OTOG: variants seen among roughly 807,000 people sequenced by gnomAD.
OTOG encodes otogelin.
OTOG carries 296 observed loss-of-function variants against 313.8 expected under a neutral mutation model. That is an observed-to-expected ratio of 0.94 (90% confidence interval 0.86 to 1.04). The LOEUF (loss-of-function observed/expected upper bound fraction) is 1.04, where lower values mean the gene tolerates loss of function less well. Ranked by LOEUF, OTOG falls within the 50% of genes least tolerant of loss-of-function variation. The pLI is 0.00. For synonymous variants in OTOG, 1,533 were observed against 1,554.9 expected, an observed-to-expected ratio of 0.99 and a Z score of 0.33; for missense variants, 3,948 against 3,840.1, an observed-to-expected ratio of 1.03 and a Z score of -0.74.
At chr11:17,633,145 T>A (rs1017600182) in intron 42 of OTOG, among the ~76,000 whole-genome samples, 1 of 152,150 alleles carries the variant, frequency 6.6e-6, no homozygotes, top group Non-Finnish European at 1.5e-5. Context: ...CTGGGGTGGG[T>A]TCCCCACAAT....
chr11:17,625,611 C>G (rs1853965959), intron 39 of OTOG, among the ~76,000 whole-genome samples: 1 of 152,060 alleles, frequency 6.6e-6, no homozygotes, highest in African/African-American at 2.4e-5. Context: ...TGAGAAATGT[C>G]TATTTCAAAT....
intron 23 of OTOG, 143 bp downstream of exon 23, chr11:17,578,669 C>A: frequency 9.1e-7 from 1 of 1,103,302 alleles, no homozygotes; most frequent in Non-Finnish European, 1.2e-6. Flanking sequence ...CTGTAATGGC[C>A]AGAGAGGAGT....
chr11:17,611,581 T>C (rs1039750110), intron 36 of OTOG, among the ~76,000 whole-genome samples, 158 bp downstream of exon 36: 4 of 152,260 alleles, frequency 2.6e-5, no homozygotes, highest in Admixed American at 2.6e-4. Context: ...CCTGATGCCA[T>C]AGCAGGGTTC....
rs1299948580 is a variant in OTOG, at chr11:17,634,170, G to A, written c.7369G>A (p.Val2457Ile). 11 of 1,550,118 alleles carry A rather than the reference G, an allele frequency of 7.1e-6. No homozygotes were observed. The highest frequency in any genetic ancestry group is 9.6e-6 in the Non-Finnish European group (11 of 1,146,958). ...QHQCQAPDTIVPVDLGCPSPR... is the reference protein window; with the variant it reads ...QHQCQAPDTIIPVDLGCPSPR... ...CCAGTGCCAAGCCCCAGACACCATT[G>A]TCCCGGTGGATCTGGGCTGCCCCAG... The change falls in exon 44 of 56, where the codon GTC (valine) becomes ATC (isoleucine). Residue 2457 changes from valine to isoleucine, a missense_variant. Coordinates refer to ENST00000399397, the MANE Select transcript of OTOG (RefSeq NM_001292063.2).
intron 44 of OTOG, 113 bp from the exon 45 acceptor site, chr11:17,634,731 G>C: frequency 1.2e-6 from 1 of 832,242 alleles, no homozygotes; most frequent in South Asian, 1.7e-5. Flanking sequence ...GGGGGCTGGG[G>C]GGAGGAGTGG....
intron 31 of OTOG, 146 bp from the exon 32 acceptor site, chr11:17,602,064 C>T: frequency 2.2e-6 from 2 of 912,446 alleles, no homozygotes; most frequent in East Asian, 2.7e-5. Context: ...CATCAAGGTC[C>T]CTGAGATCTG....
At chr11:17,596,510 G>A (rs1303859105) in intron 29 of OTOG, among the ~76,000 whole-genome samples, 1 of 152,226 alleles carries the variant, frequency 6.6e-6, no homozygotes, top group African/African-American at 2.4e-5. Context: ...GCTCAGCACT[G>A]CATGGCACCC....
chr11:17,612,989 C>T (rs1389174969), intron 38 of OTOG, among the ~76,000 whole-genome samples: 1 of 152,186 alleles, frequency 6.6e-6, no homozygotes, highest in Non-Finnish European at 1.5e-5. Context: ...CAGCCTGTCC[C>T]ATTCCCAGCT....
intron 40 of OTOG, among the ~76,000 whole-genome samples, 200 bp from the exon 41 acceptor site, chr11:17,631,502 A>G (rs572791310): frequency 1.3e-4 from 20 of 152,254 alleles, no homozygotes; most frequent in African/African-American, 4.8e-4. Flanking sequence ...CCCTAAATAC[A>G]TGTGTATTTC....
chr11:17,551,133 C>A (rs946082001), intron 3 of OTOG, among the ~76,000 whole-genome samples: 3 of 152,222 alleles, frequency 2.0e-5, no homozygotes, highest in Non-Finnish European at 4.4e-5. Flanking sequence ...CTGCATCCAG[C>A]ACAATGCTTG....
intron 24 of OTOG, among the ~76,000 whole-genome samples, chr11:17,589,402 G>C (rs748118715): frequency 5.3e-5 from 8 of 152,064 alleles, no homozygotes; most frequent in Non-Finnish European, 1.2e-4. Flanking sequence ...CATGAGAAGA[G>C]AACTTTCCAG....
intron 34 of OTOG, among the ~76,000 whole-genome samples, 164 bp downstream of exon 34, chr11:17,608,577 ACTAT>A (rs765658421): frequency 1.1e-4 from 16 of 152,278 alleles, no homozygotes; most frequent in Admixed American, 2.6e-4. Context: ...AGCATATGTG[ACTAT>A]CTATTTGTGC....
At chr11:17,638,409 G>T in intron 47 of OTOG, 42 bp from the exon 48 acceptor site, 1 of 1,471,144 alleles carries the variant, frequency 6.8e-7, no homozygotes. Flanking sequence ...ACATCCCCAG[G>T]TGCCTGTGAC....
chr11:17,642,602 A>C (rs1476485336), intron 53 of OTOG, among the ~76,000 whole-genome samples: 1 of 152,034 alleles, frequency 6.6e-6, no homozygotes, highest in African/African-American at 2.4e-5. Flanking sequence ...ATCACACCTC[A>C]AGGCACTCAC....
Position 17,609,667 on chromosome 11 carries a change from C to A in OTOG, c.4367C>A (p.Ala1456Glu). The A allele has an allele frequency of 6.7e-7, 1 of 1,490,692 alleles. No individual in the cohort carries two copies. The highest frequency in any genetic ancestry group is 9.0e-7 in the Non-Finnish European group (1 of 1,115,734). 92.3% of individuals were successfully genotyped at this position (1,490,692 alleles called of 1,614,324 possible). Reference sequence around the variant, plus strand: ...TTTGTCTCCGCAGGTGTGGAGCCAGCAGTTTGGGTTCCCACAGAGGCCCTT... The same window carrying A: ...TTTGTCTCCGCAGGTGTGGAGCCAGAAGTTTGGGTTCCCACAGAGGCCCTT... Reference protein sequence around the residue: ...CVYLEDCVEPAVWVPTEALGN... With the variant: ...CVYLEDCVEPEVWVPTEALGN... Residue 1456 changes from alanine to glutamate, a missense_variant, in exon 36 of 56, where the codon GCA (alanine) becomes GAA (glutamate). Coordinates refer to ENST00000399397, the MANE Select transcript of OTOG (RefSeq NM_001292063.2).
At chr11:17,643,788 C>T (rs955254067) in intron 54 of OTOG, among the ~76,000 whole-genome samples, 11 of 152,202 alleles carry the variant, frequency 7.2e-5, no homozygotes, top group Non-Finnish European at 2.9e-5. Flanking sequence ...GTCAGTAGCT[C>T]ACCAGTTACT....
chr11:17,639,872 A>T (rs115711199), intron 49 of OTOG, among the ~76,000 whole-genome samples: 1 of 118,436 alleles, frequency 8.4e-6, no homozygotes, highest in Non-Finnish European at 1.7e-5. Flanking sequence ...TGCAATGGTG[A>T]TGGTGGTGGT....
At position 17,596,974 on chromosome 11, in the gene OTOG, G is replaced by A. The variant is rs999140107; in HGVS notation, c.3649G>A (p.Val1217Met). 5.5e-5 allele frequency: 86 copies of A among 1,550,438 alleles called. No homozygotes were observed. Among genetic ancestry groups the A allele is most frequent in the Non-Finnish European group, 7.2e-5 (83 of 1,147,012 alleles). Residue 1217 changes from valine to methionine, a missense_variant, in exon 30 of 56, where the codon GTG becomes ATG. Transcript: ENST00000399397. ...TGCCCACCAGTGTTGCCAGCATGGG[G>A]TGGCTGTTGACTGGCGAACCCCCCG... is the stretch of plus-strand genomic sequence containing the variant. ...AYAHQCCQHG[V>M]AVDWRTPRLC...
At chr11:17,560,233 A>G (rs1304524834) in intron 12 of OTOG, among the ~76,000 whole-genome samples, 1 of 152,224 alleles carries the variant, frequency 6.6e-6, no homozygotes, top group Non-Finnish European at 1.5e-5. Flanking sequence ...ATATAAAAAT[A>G]AAGCCATTGA....
Sources: allele counts gnomAD v4.1 joint callset (sites outside exome capture counted in the v4.1 genomes callset), GRCh38; gene constraint gnomAD v4.1.1; transcripts MANE v1.5; gene names NCBI Gene and HGNC (gene_info 2026-07-23, HGNC 2026-07-21).